RARB: variants seen among roughly 807,000 people sequenced by gnomAD.
The protein encoded by RARB is HBV-activated protein.
Under a neutral mutation model 51.9 loss-of-function variants are expected in RARB, and 17 were observed. That is an observed-to-expected ratio of 0.33 (90% CI 0.22 to 0.49). The LOEUF (loss-of-function observed/expected upper bound fraction) is 0.49. Ranked by LOEUF, RARB falls within the 20% of genes least tolerant of loss-of-function variation. RARB has a pLI of 0.99. For synonymous variants in RARB, 215 were observed against 195.4 expected (o/e 1.10, Z -0.84); for missense variants, 369 against 550.8 (o/e 0.67, Z 3.30).
At chr3:25,160,290 T>C (rs1489305377) in intron 4 of RARB, among the ~76,000 whole-genome samples, 1 of 152,208 alleles carries the variant, frequency 6.6e-6, no homozygotes, top group Non-Finnish European at 1.5e-5. Flanking sequence ...CATTTTAACA[T>C]TTTAAAGACT....
chr3:24,878,532 C>G (rs555084609), intron 2 of RARB, among the ~76,000 whole-genome samples: 1 of 152,186 alleles, frequency 6.6e-6, no homozygotes, highest in African/African-American at 2.4e-5. Context: ...TACTCTAAAG[C>G]AGGACTCTCA....
At chr3:24,835,574 T>C (rs1702334498) in intron 1 of RARB, among the ~76,000 whole-genome samples, 1 of 152,130 alleles carries the variant, frequency 6.6e-6, no homozygotes, top group Non-Finnish European at 1.5e-5. Context: ...TATTATAGGG[T>C]AAAGAAACAG....
intron 3 of RARB, among the ~76,000 whole-genome samples, chr3:25,109,903 C>A (rs1328952060): frequency 6.6e-6 from 1 of 152,200 alleles, no homozygotes; most frequent in Non-Finnish European, 1.5e-5. Flanking sequence ...CACAAGATAC[C>A]CCTGTAGGCT....
chr3:25,043,095 C>G (rs963452958), intron 2 of RARB, among the ~76,000 whole-genome samples: 1 of 152,168 alleles, frequency 6.6e-6, no homozygotes, highest in Non-Finnish European at 1.5e-5. Context: ...GTAAAAGGCT[C>G]TTGTAGTAAG....
intron 2 of RARB, among the ~76,000 whole-genome samples, chr3:25,462,784 G>A (rs1465356548): frequency 6.6e-6 from 1 of 152,180 alleles, no homozygotes; most frequent in Non-Finnish European, 1.5e-5. Flanking sequence ...GTGGGCTGGG[G>A]AGACTCAGCT....
intron 2 of RARB, among the ~76,000 whole-genome samples, chr3:24,890,957 G>T (rs576893536): frequency 6.6e-6 from 1 of 152,250 alleles, no homozygotes; most frequent in Admixed American, 6.5e-5. Flanking sequence ...ATAATTAGAG[G>T]TATTATTGGA....
chr3:24,976,248 A>G (rs1696509685), intron 2 of RARB, among the ~76,000 whole-genome samples: 1 of 152,144 alleles, frequency 6.6e-6, no homozygotes, highest in Non-Finnish European at 1.5e-5. Flanking sequence ...ATGTGTCTCT[A>G]TAGTAGCAGG....
At chr3:25,419,601 A>G (rs1409760842) in intron 5 of RARB, among the ~76,000 whole-genome samples, 5 of 152,160 alleles carry the variant, frequency 3.3e-5, no homozygotes, top group Non-Finnish European at 7.4e-5. Context: ...CTGACAGTGT[A>G]GTGTGCAGAA....
rs371686277 is a variant in RARB, at chr3:25,038,641, C to T, written c.-379-21484C>T. Among the ~76,000 whole-genome samples the T allele has an allele frequency of 1.7e-4, 26 of 152,256 alleles. No homozygotes were observed. The South Asian group carries it at 5.2e-3, about 30-fold the overall frequency. On this transcript the variant is annotated intron_variant, in intron 2 of 11. Coordinates refer to the RARB transcript ENST00000383772. ...CACACAGTTCTGCTGAAGAAAACCA[C>T]CTTTGTTTCATTATTAGCTTCCCAG...
intron 3 of RARB, among the ~76,000 whole-genome samples, chr3:25,102,935 C>A (rs958917286): frequency 6.6e-6 from 1 of 152,120 alleles, no homozygotes; most frequent in African/African-American, 2.4e-5. Flanking sequence ...CCTGTAATCC[C>A]AGCTACTTGG....
intron 2 of RARB, among the ~76,000 whole-genome samples, chr3:25,048,752 C>CTTTTTTTT (rs34598308): frequency 4.6e-5 from 5 of 108,406 alleles, no homozygotes; most frequent in Non-Finnish European, 7.0e-5. Flanking sequence ...ATTAAGCCCA[C>CTTTTTTTT]TTTTTTTTTT....
At chr3:25,476,644 G>C (rs1181537459) in intron 2 of RARB, among the ~76,000 whole-genome samples, 1 of 152,100 alleles carries the variant, frequency 6.6e-6, no homozygotes, top group East Asian at 1.9e-4. Flanking sequence ...AGCAGTTAAA[G>C]GGCACCTGCT....
At chr3:25,561,278 A>G (rs998430183) in intron 3 of RARB, among the ~76,000 whole-genome samples, 2 of 152,030 alleles carry the variant, frequency 1.3e-5, no homozygotes, top group African/African-American at 4.8e-5. Context: ...TCTTGCCTCA[A>G]ATGCTGAATA....
rs77647013 is a variant in RARB at position 24,965,578 on chromosome 3, A to G, written c.-379-94547A>G. Among the ~76,000 whole-genome samples, 527 of 152,264 alleles carry G rather than the reference A, an allele frequency of 3.5e-3. 3 individuals carry two copies. The highest frequency in any genetic ancestry group is 6.4e-3 in the Non-Finnish European group (432 of 67,998). ...TCATTTGAATTCCAATACTACCCTAAAGGTTGCTAGATGACCTTCACCAAG... is the reference window on the plus strand; with the variant it reads ...TCATTTGAATTCCAATACTACCCTAGAGGTTGCTAGATGACCTTCACCAAG... On this transcript the variant is annotated intron_variant, in intron 2 of 11. Coordinates refer to the RARB transcript ENST00000383772.
chr3:25,380,812 T>A lies in RARB; in HGVS notation c.179-80381T>A, dbSNP rs142138780. 5.7e-3 allele frequency among the ~76,000 whole-genome samples: 873 copies of A among 152,300 alleles called. 9 individuals are homozygous for A. Among genetic ancestry groups the A allele is most frequent in the African/African-American group, 0.02 (823 of 41,584 alleles). On this transcript the variant is annotated intron_variant, in intron 5 of 11. Coordinates refer to the RARB transcript ENST00000383772. ...TTCCTCCTCTTCTCATGTCCTCTATTCACTCATCGTGACTGGTTTTGTGCT... is the reference window on the plus strand; with the variant it reads ...TTCCTCCTCTTCTCATGTCCTCTATACACTCATCGTGACTGGTTTTGTGCT...
intron 2 of RARB, among the ~76,000 whole-genome samples, chr3:24,917,593 C>T (rs1461350512): frequency 3.3e-5 from 5 of 152,170 alleles, no homozygotes; most frequent in East Asian, 3.8e-4. Context: ...TACAGTGGTG[C>T]GATCTCTGCT....
intron 5 of RARB, among the ~76,000 whole-genome samples, chr3:25,184,403 A>G (rs1176372522): frequency 6.6e-6 from 1 of 152,128 alleles, no homozygotes; most frequent in Non-Finnish European, 1.5e-5. Flanking sequence ...TGGTCCCGCG[A>G]GAAGTACTGC....
chr3:25,043,722 T>A (rs933670841), intron 2 of RARB, among the ~76,000 whole-genome samples: 2 of 152,170 alleles, frequency 1.3e-5, no homozygotes, highest in African/African-American at 4.8e-5. Context: ...AAAGGTACCC[T>A]TAAGCATTTA....
intron 1 of RARB, among the ~76,000 whole-genome samples, chr3:25,443,966 C>T (rs1397360019): frequency 2.0e-5 from 3 of 151,912 alleles, no homozygotes; most frequent in Non-Finnish European, 2.9e-5. Context: ...ATAAATAAAT[C>T]GCTAAAACAA....
Sources: allele counts gnomAD v4.1 joint callset (sites outside exome capture counted in the v4.1 genomes callset), GRCh38; gene constraint gnomAD v4.1.1; transcripts MANE v1.5; gene names NCBI Gene and HGNC (gene_info 2026-07-23, HGNC 2026-07-21).